The following KIF13B variants were observed in gnomAD, a reference collection of about 807,000 sequenced individuals.
KIF13B encodes kinesin family member 13B, also known as kinesin-like protein KIF13B.
KIF13B carries 127 observed loss-of-function variants against 222.0 expected under a neutral mutation model. The ratio of observed to expected loss-of-function variants is 0.57; its 90% CI spans 0.50 to 0.66. KIF13B has a LOEUF of 0.66. Among genes scored for constraint, KIF13B ranks in the 30% least tolerant of loss-of-function variants. KIF13B has a pLI of 0.00. For missense variants in KIF13B, 2,173 were observed against 2,379.0 expected (o/e 0.91, Z 1.80); for synonymous variants, 976 against 919.0 (o/e 1.06, Z -1.12).
intron 2 of KIF13B, among the ~76,000 whole-genome samples, chr8:29,236,322 GGGGAAGAAGACA>G (rs1815505498): frequency 6.6e-6 from 1 of 152,110 alleles, no homozygotes; most frequent in Non-Finnish European, 1.5e-5. Context: ...AAAATAATAT[GGGGAAGAAGACA>G]GGGATGAAGA....
intron 37 of KIF13B, among the ~76,000 whole-genome samples, chr8:29,088,428 C>T (rs746072660): frequency 6.6e-6 from 1 of 152,164 alleles, no homozygotes; most frequent in South Asian, 2.1e-4. Context: ...GGGTGGCTCA[C>T]ATATACAATC....
chr8:29,139,533 C>T (rs1810713684), intron 21 of KIF13B, among the ~76,000 whole-genome samples: 1 of 152,206 alleles, frequency 6.6e-6, no homozygotes, highest in African/African-American at 2.4e-5. Context: ...TACGCGAAGT[C>T]TTACAGAAAG....
At chr8:29,154,761 C>G (rs539392660) in intron 14 of KIF13B, among the ~76,000 whole-genome samples, 6 of 152,212 alleles carry the variant, frequency 3.9e-5, no homozygotes, top group South Asian at 2.1e-4. Context: ...GGCTGGGGTT[C>G]TGTGTGATTA....
chr8:29,174,521 T>C (rs1267369283), intron 10 of KIF13B, among the ~76,000 whole-genome samples: 1 of 152,188 alleles, frequency 6.6e-6, no homozygotes, highest in Non-Finnish European at 1.5e-5. Context: ...TGAATAATAA[T>C]GTTCTATTTT....
At chr8:29,218,072 A>G (rs1814574936) in intron 2 of KIF13B, among the ~76,000 whole-genome samples, 1 of 152,188 alleles carries the variant, frequency 6.6e-6, no homozygotes. Context: ...GCACCGTTAC[A>G]CTGTGCTTAT....
At chr8:29,096,964 C>G (rs1487905128) in intron 36 of KIF13B, among the ~76,000 whole-genome samples, 2 of 151,680 alleles carry the variant, frequency 1.3e-5, no homozygotes, top group South Asian at 4.2e-4. Flanking sequence ...ATATGGCGGA[C>G]CAGAATGGGA....
chr8:29,070,370 T>C lies in KIF13B; in HGVS notation c.*134A>G, dbSNP rs1807195170. ...AGAGGCCCAGGGAGGTCACCAGCCC[T>C]GTGTCGTGCAAAAAGCATTCATCGC... On this transcript the variant is annotated 3_prime_UTR_variant, in exon 40 of 40. Transcript: ENST00000524189. The surrounding 1 kb of genome is among the most constrained non-coding windows in gnomAD (Gnocchi z 4.1). 5 of 969,648 alleles carry C rather than the reference T, an allele frequency of 5.2e-6. No homozygotes were observed. Among genetic ancestry groups the C allele is most frequent in the Non-Finnish European group, 7.6e-6 (5 of 655,326 alleles). The allele number at this position is 969,648 out of a possible 1,614,324, so 60.1% of individuals were successfully genotyped here.
chr8:29,219,075 G>C (rs1814621399), intron 2 of KIF13B: 1 of 152,220 alleles, frequency 6.6e-6, no homozygotes, highest in African/African-American at 2.4e-5. Context: ...GGCAGAAAAA[G>C]AAATGACAAG....
intron 31 of KIF13B, among the ~76,000 whole-genome samples, chr8:29,115,550 TC>T (rs1809554972): frequency 6.6e-6 from 1 of 152,254 alleles, no homozygotes; most frequent in East Asian, 1.9e-4. Flanking sequence ...GGTCTCAAAC[TC>T]CCGACCTCAG....
At chr8:29,255,806 A>G (rs1162119449) in intron 1 of KIF13B, among the ~76,000 whole-genome samples, 2 of 152,118 alleles carry the variant, frequency 1.3e-5, no homozygotes, top group Non-Finnish European at 2.9e-5. Context: ...TGTGTTAATC[A>G]CGCGGCCATT....
At position 29,118,903 on chromosome 8, in the gene KIF13B, A is replaced by G; in HGVS notation, c.3625T>C (p.Phe1209Leu). 6.2e-7 allele frequency: 1 copy of G among 1,613,954 alleles called. No homozygotes were observed. The highest frequency in any genetic ancestry group is 8.5e-7 in the Non-Finnish European group (1 of 1,179,854). ...TLTGEEEEEF[F>L]ELQIVKQHDG... ...TGCTGCTTCACAATCTGCAATTCAA[A>G]GAACTCCTCTTCTTCTTCCCCAGTC... The change falls in exon 30 of 40, where the codon TTT (phenylalanine) becomes CTT (leucine). Residue 1209 changes from phenylalanine to leucine, a missense_variant. By Grantham distance (22) the Phe-to-Leu change is conservative (BLOSUM62 0). Coordinates refer to ENST00000524189, the MANE Select transcript of KIF13B (RefSeq NM_015254.4).
chr8:29,104,503 C>T (rs531386176), intron 35 of KIF13B, among the ~76,000 whole-genome samples: 19 of 152,328 alleles, frequency 1.2e-4, no homozygotes, highest in South Asian at 8.3e-4. Flanking sequence ...TAACTGCATA[C>T]ATTTGTACCA....
chr8:29,114,991 C>T (rs532327556), intron 31 of KIF13B, among the ~76,000 whole-genome samples: 58 of 152,252 alleles, frequency 3.8e-4, no homozygotes, highest in Middle Eastern at 3.4e-3. Flanking sequence ...GGGTGCATAC[C>T]GTATACATCT....
chr8:29,176,007 T>G, intron 10 of KIF13B, 61 bp downstream of exon 10: 1 of 958,116 alleles, frequency 1.0e-6, no homozygotes, highest in South Asian at 1.4e-5. Context: ...AGTCTACTCT[T>G]TTTTCTTCCT....
chr8:29,070,871 C>CG lies in KIF13B; in HGVS notation c.5219-106dup, dbSNP rs1807238700. On this transcript the variant is annotated intron_variant, in intron 39 of 39. Coordinates refer to ENST00000524189, the MANE Select transcript of KIF13B (RefSeq NM_015254.4). This position sits in a 1 kb window ranked among gnomAD's most constrained non-coding sequence, Gnocchi z 4.1. Reference sequence around the variant, plus strand: ...CCATGTGCCCACACTGCCACCCCCCCGCACAGGCCCTACACAGCCAGCACT... The same window carrying CG: ...CCATGTGCCCACACTGCCACCCCCCCGGCACAGGCCCTACACAGCCAGCACT... 8.2e-7 allele frequency: 1 copy of CG among 1,222,166 alleles called. No homozygotes were observed. Among genetic ancestry groups the CG allele is most frequent in the Non-Finnish European group, 1.2e-6 (1 of 865,488 alleles). 75.7% of individuals were successfully genotyped at this position (1,222,166 alleles called of 1,614,324 possible).
chr8:29,188,280 G>A (rs763258574), intron 5 of KIF13B, among the ~76,000 whole-genome samples: 8 of 152,004 alleles, frequency 5.3e-5, no homozygotes, highest in Non-Finnish European at 5.9e-5. Flanking sequence ...GTATTTTTTC[G>A]AAAAACAATG....
intron 2 of KIF13B, among the ~76,000 whole-genome samples, chr8:29,227,515 C>T (rs370268207): frequency 9.2e-5 from 14 of 152,106 alleles, no homozygotes; most frequent in East Asian, 7.7e-4. Context: ...GTCTTGAACT[C>T]CTGACCTAGG....
chr8:29,110,869 T>C (rs1346995259), intron 32 of KIF13B, among the ~76,000 whole-genome samples: 1 of 152,242 alleles, frequency 6.6e-6, no homozygotes, highest in African/African-American at 2.4e-5. Flanking sequence ...AAATTTCTTA[T>C]AATAATGCCA....
intron 2 of KIF13B, among the ~76,000 whole-genome samples, chr8:29,217,640 C>A (rs957315305): frequency 2.0e-5 from 3 of 152,214 alleles, no homozygotes; most frequent in Admixed American, 6.5e-5. Flanking sequence ...GAAAGAATTT[C>A]TTTCAAAAGT....
Sources: allele counts gnomAD v4.1 joint callset (sites outside exome capture counted in the v4.1 genomes callset), GRCh38; gene constraint gnomAD v4.1.1; non-coding constraint Gnocchi (gnomAD v3.1); transcripts MANE v1.5; gene names NCBI Gene and HGNC (gene_info 2026-07-23, HGNC 2026-07-21).